SLC39A11: variants seen among roughly 807,000 people sequenced by gnomAD.
SLC39A11 encodes zinc transporter ZIP11.
A neutral mutation model predicts 36.1 loss-of-function variants in SLC39A11; 33 were observed. That is an observed-to-expected ratio of 0.91 (90% confidence interval 0.69 to 1.22). The LOEUF is 1.22. Ranked by LOEUF, SLC39A11 falls within the 50% of genes most tolerant of loss-of-function variation. SLC39A11 has a pLI of 0.00. For missense variants in SLC39A11, 432 were observed against 430.3 expected (o/e 1.00, Z -0.03); for synonymous variants, 166 against 170.3 (o/e 0.97, Z 0.20).
At chr17:73,058,452 G>A (rs2059739132) in intron 3 of SLC39A11, among the ~76,000 whole-genome samples, 1 of 152,210 alleles carries the variant, frequency 6.6e-6, no homozygotes, top group Non-Finnish European at 1.5e-5. Flanking sequence ...GCCGGGTGCA[G>A]TGGCTGACAT....
chr17:72,926,052 G>A lies in SLC39A11; in HGVS notation c.430+21700C>T, dbSNP rs148381915. Among the ~76,000 whole-genome samples, 174 of 152,258 alleles carry A rather than the reference G, an allele frequency of 1.1e-3. 1 individual carries two copies. The highest frequency in any genetic ancestry group is 3.9e-3 in the African/African-American group (161 of 41,550). On this transcript the variant is annotated intron_variant, in intron 5 of 9. Transcript: ENST00000255559. ...AATCTAATGCAAGGAATATGCCTGGGGTCCCATGTGAGCCCTCAGGCTTTT... is the reference window on the plus strand; with the variant it reads ...AATCTAATGCAAGGAATATGCCTGGAGTCCCATGTGAGCCCTCAGGCTTTT...
chr17:72,738,956 C>G (rs920096306), intron 6 of SLC39A11, among the ~76,000 whole-genome samples: 3 of 152,102 alleles, frequency 2.0e-5, no homozygotes, highest in Admixed American at 6.5e-5. Flanking sequence ...AAAGTGCTCA[C>G]CTGTGATGCA....
intron 4 of SLC39A11, among the ~76,000 whole-genome samples, chr17:73,030,245 C>A (rs138619494): frequency 6.6e-6 from 1 of 152,222 alleles, no homozygotes; most frequent in Admixed American, 6.5e-5. Context: ...TGACCAGTAG[C>A]GGTCCTTGGT....
intron 7 of SLC39A11, among the ~76,000 whole-genome samples, chr17:72,724,326 A>G (rs1026677608): frequency 6.6e-6 from 1 of 152,088 alleles, no homozygotes; most frequent in South Asian, 2.1e-4. Context: ...TGAGTTTTCT[A>G]TTGCAATGCA....
chr17:72,949,288 G>A (rs575777484), intron 4 of SLC39A11, among the ~76,000 whole-genome samples: 9 of 150,794 alleles, frequency 6.0e-5, no homozygotes, highest in Non-Finnish European at 8.8e-5. Context: ...AGCCTCCCGA[G>A]TAGCTGGGAT....
intron 6 of SLC39A11, among the ~76,000 whole-genome samples, chr17:72,783,288 G>A (rs941965164): frequency 1.3e-5 from 2 of 152,166 alleles, no homozygotes; most frequent in African/African-American, 4.8e-5. Flanking sequence ...GAGCCACCCA[G>A]TGTATGGCAC....
chr17:73,056,586 T>C (rs9909711), intron 3 of SLC39A11, among the ~76,000 whole-genome samples: 2 of 151,958 alleles, frequency 1.3e-5, no homozygotes, highest in African/African-American at 4.8e-5. Context: ...GGCAAGTCAC[T>C]GGCAAAAGTC....
At chr17:73,089,102 A>C (rs972269997) in intron 1 of SLC39A11, among the ~76,000 whole-genome samples, 71 of 152,216 alleles carry the variant, frequency 4.7e-4, no homozygotes, top group African/African-American at 1.6e-3. Flanking sequence ...AAGGGGGCAT[A>C]GGAGGGTCTG....
At chr17:72,953,652 G>C (rs1367387975) in intron 4 of SLC39A11, among the ~76,000 whole-genome samples, 1 of 152,170 alleles carries the variant, frequency 6.6e-6, no homozygotes, top group Non-Finnish European at 1.5e-5. Flanking sequence ...GGCGAACTAA[G>C]GCCCCCCCTA....
chr17:72,705,793 C>T (rs9901433), intron 7 of SLC39A11, among the ~76,000 whole-genome samples: 33,944 of 152,146 alleles, frequency 0.22, 4,036 homozygotes, highest in African/African-American at 0.32. Context: ...GTGAGCCTAC[C>T]GTCGACAACG....
In SLC39A11 at chr17:72,899,823, G is replaced by A. The variant is rs936604236; in HGVS notation, c.430+47929C>T. Among the ~76,000 whole-genome samples, 8 of 152,090 alleles carry A rather than the reference G, an allele frequency of 5.3e-5. 1 individual carries two copies. The highest frequency in any genetic ancestry group is 3.9e-4 in the East Asian group (2 of 5,154). The stretch of plus-strand genomic sequence containing the variant: ...CTAAAAATACAAAAGTTAGCCGGGC[G>A]TGGGGGCAGGTGCCTGTAATCCCAG... On this transcript the variant is annotated intron_variant, in intron 5 of 9. Transcript: ENST00000255559.
intron 5 of SLC39A11, among the ~76,000 whole-genome samples, chr17:72,941,570 T>TC (rs2085101640): frequency 6.6e-6 from 1 of 151,628 alleles, no homozygotes; most frequent in Non-Finnish European, 1.5e-5. Context: ...TTTTTTTTTT[T>TC]TAAAAGGCAG....
intron 4 of SLC39A11, among the ~76,000 whole-genome samples, chr17:72,978,910 G>A (rs1004520192): frequency 2.0e-5 from 3 of 152,186 alleles, no homozygotes; most frequent in African/African-American, 7.2e-5. Context: ...TGAGGTCTGG[G>A]TCTTGCTTTC....
chr17:72,791,993 G>T (rs1439058839), intron 6 of SLC39A11, among the ~76,000 whole-genome samples: 2 of 152,156 alleles, frequency 1.3e-5, no homozygotes, highest in Non-Finnish European at 2.9e-5. Context: ...CATGTAGTAT[G>T]ATAACTTCTC....
At chr17:72,914,902 G>T (rs11869306) in intron 5 of SLC39A11, among the ~76,000 whole-genome samples, 4 of 151,946 alleles carry the variant, frequency 2.6e-5, no homozygotes, top group Non-Finnish European at 5.9e-5. Context: ...GAATATCTGT[G>T]CCTTTTGTTT....
intron 7 of SLC39A11, among the ~76,000 whole-genome samples, chr17:72,714,822 G>T (rs1342303171): frequency 1.3e-5 from 2 of 152,168 alleles, no homozygotes; most frequent in Non-Finnish European, 2.9e-5. Context: ...TTTCAGATCT[G>T]GGTTCATGGA....
At chr17:72,650,740 A>G (rs554255013) in intron 7 of SLC39A11, among the ~76,000 whole-genome samples, 1 of 152,316 alleles carries the variant, frequency 6.6e-6, no homozygotes, top group Admixed American at 6.5e-5. Flanking sequence ...TTTCAGGTCA[A>G]CTGGCTCACG....
chr17:72,712,069 G>C (rs889163924), intron 7 of SLC39A11, among the ~76,000 whole-genome samples: 2 of 152,230 alleles, frequency 1.3e-5, no homozygotes, highest in Non-Finnish European at 2.9e-5. Context: ...TGCTGGCAGA[G>C]GTGGGACAAA....
At chr17:73,027,688 T>A (rs983971722) in intron 4 of SLC39A11, among the ~76,000 whole-genome samples, 1 of 152,188 alleles carries the variant, frequency 6.6e-6, no homozygotes, top group Non-Finnish European at 1.5e-5. Context: ...AGTCATGTGT[T>A]AACCATTCTC....
Sources: gnomAD v4.1 joint callset for allele counts (sites outside exome capture counted in the v4.1 genomes callset) on GRCh38, gnomAD v4.1.1 for gene constraint, MANE v1.5 for transcripts, NCBI Gene and HGNC (gene_info 2026-07-23, HGNC 2026-07-21) for gene names.